NRXN1: variants seen among roughly 807,000 people sequenced by gnomAD.
NRXN1 encodes the protein neurexin-1.
Under a neutral mutation model 150.9 loss-of-function variants are expected in NRXN1, and 39 were observed. The ratio of observed to expected loss-of-function variants is 0.26; its 90% CI spans 0.20 to 0.34. The LOEUF (loss-of-function observed/expected upper bound fraction) is 0.34. Ranked by LOEUF, NRXN1 falls within the 10% of genes least tolerant of loss-of-function variation. The probability of loss-of-function intolerance (pLI) is 1.00; values close to 1 mark genes in which losing one functional copy is unlikely to be tolerated. For synonymous variants in NRXN1, 924 were observed against 757.0 expected, an observed-to-expected ratio of 1.22 and a Z score of -3.62; for missense variants, 1,815 against 1,949.9, an observed-to-expected ratio of 0.93 and a Z score of 1.30.
At chr2:50,560,913 A>T (rs927248428) in intron 8 of NRXN1, among the ~76,000 whole-genome samples, 1 of 152,196 alleles carries the variant, frequency 6.6e-6, no homozygotes, top group Non-Finnish European at 1.5e-5. Flanking sequence ...ATAAAATGGA[A>T]ATCAAACTAC....
At position 50,552,578 on chromosome 2, in the gene NRXN1, TAAG is replaced by T. The variant is rs772903612; in HGVS notation, c.1759+6_1759+8del. On this transcript the variant is annotated splice_donor_region_variant and intron_variant, in intron 9 of 22. Coordinates refer to ENST00000401669, the MANE Select transcript of NRXN1 (RefSeq NM_001330078.2). Reference sequence around the variant, plus strand: ...GCAGATAAACAGCATAGAAAAATGATAAGATTACCTGACCGTCCGTCTCTCTGG... The same window carrying T: ...GCAGATAAACAGCATAGAAAAATGATATTACCTGACCGTCCGTCTCTCTGG... 2.5e-6 allele frequency: 4 copies of T among 1,601,784 alleles called. No homozygotes were observed. Among genetic ancestry groups the T allele is most frequent in the Non-Finnish European group, 3.4e-6 (4 of 1,170,264 alleles).
At chr2:50,533,948 T>C (rs2093186058) in intron 10 of NRXN1, among the ~76,000 whole-genome samples, 2 of 152,164 alleles carry the variant, frequency 1.3e-5, no homozygotes, top group Admixed American at 6.6e-5. Context: ...ATTTCTTGTT[T>C]GTAGAGTATT....
At chr2:50,987,461 T>A (rs1007124087) in intron 2 of NRXN1, among the ~76,000 whole-genome samples, 1 of 151,862 alleles carries the variant, frequency 6.6e-6, no homozygotes, top group Non-Finnish European at 1.5e-5. Flanking sequence ...TGTGGTGACA[T>A]ATTTTGAACA....
chr2:50,314,333 TA>T (rs896454693), intron 17 of NRXN1, among the ~76,000 whole-genome samples: 1 of 151,958 alleles, frequency 6.6e-6, no homozygotes, highest in African/African-American at 2.4e-5. Context: ...CCTGCCACTT[TA>T]AAAAACAAAA....
At chr2:50,600,594 G>A (rs371988778) in intron 8 of NRXN1, among the ~76,000 whole-genome samples, 19 of 152,170 alleles carry the variant, frequency 1.2e-4, no homozygotes, top group Non-Finnish European at 2.6e-4. Flanking sequence ...CAAAGTGCTG[G>A]GATTACAGGC....
chr2:50,593,267 A>G (rs1246270432), intron 8 of NRXN1, among the ~76,000 whole-genome samples: 3 of 152,200 alleles, frequency 2.0e-5, no homozygotes, highest in Non-Finnish European at 4.4e-5. Context: ...TATTTTCTTC[A>G]TTCCAGTCAG....
chr2:50,940,862 A>C (rs1689327803), intron 2 of NRXN1, among the ~76,000 whole-genome samples: 1 of 152,166 alleles, frequency 6.6e-6, no homozygotes, highest in Non-Finnish European at 1.5e-5. Flanking sequence ...TGTATATCAG[A>C]ATTTGCAAAT....
At chr2:50,092,164 C>G (rs896801283) in intron 18 of NRXN1, among the ~76,000 whole-genome samples, 4 of 152,170 alleles carry the variant, frequency 2.6e-5, no homozygotes, top group African/African-American at 9.7e-5. Flanking sequence ...TAGATTATAT[C>G]TAAGCTAAGT....
chr2:50,004,068 G>A (rs972789742), intron 21 of NRXN1, among the ~76,000 whole-genome samples: 1 of 152,064 alleles, frequency 6.6e-6, no homozygotes, highest in Admixed American at 6.6e-5. Flanking sequence ...AGGGAGGTGA[G>A]GTATTACTTG....
At chr2:50,068,607 T>C (rs1410565559) in intron 19 of NRXN1, among the ~76,000 whole-genome samples, 3 of 152,186 alleles carry the variant, frequency 2.0e-5, no homozygotes. Context: ...CAGATATTTG[T>C]AAGAATAGTA....
At chr2:50,933,240 G>A (rs887637272) in intron 2 of NRXN1, among the ~76,000 whole-genome samples, 44 of 152,016 alleles carry the variant, frequency 2.9e-4, no homozygotes, top group Admixed American at 2.6e-3. Flanking sequence ...CACATAAATT[G>A]TGCCTTCCTT....
intron 5 of NRXN1, chr2:50,632,912 T>C (rs1229991995): frequency 1.3e-5 from 2 of 152,068 alleles, no homozygotes; most frequent in Non-Finnish European, 2.9e-5. Context: ...CTTTAAATCA[T>C]TGGAAGCAAT....
chr2:50,496,400 T>C (rs2091622405), intron 14 of NRXN1, among the ~76,000 whole-genome samples: 1 of 152,134 alleles, frequency 6.6e-6, no homozygotes, highest in Admixed American at 6.6e-5. Flanking sequence ...TTTCCACAAT[T>C]CCCTCCATCC....
At chr2:50,739,631 T>C (rs1304204342) in intron 5 of NRXN1, among the ~76,000 whole-genome samples, 2 of 152,190 alleles carry the variant, frequency 1.3e-5, no homozygotes, top group African/African-American at 4.8e-5. Flanking sequence ...CTTAACTCTA[T>C]TCCATAATGG....
Position 50,270,643 on chromosome 2 carries a change from A to G in NRXN1, c.3365-33673T>C, listed in dbSNP as rs928041506. ...AAAGTATAACGTACAAGCAAATTAT[A>G]TATTTATATGTAAAATGCATATAGA... On this transcript the variant is annotated intron_variant, in intron 17 of 22. Coordinates refer to ENST00000401669, the MANE Select transcript of NRXN1 (RefSeq NM_001330078.2). 3.3e-5 allele frequency among the ~76,000 whole-genome samples: 5 copies of G among 151,612 alleles called. No individual in the cohort carries two copies. The South Asian group carries it at 8.4e-4, about 25-fold the overall frequency.
At chr2:50,435,808 G>T (rs1410477200) in intron 17 of NRXN1, among the ~76,000 whole-genome samples, 1 of 152,098 alleles carries the variant, frequency 6.6e-6, no homozygotes, top group Admixed American at 6.5e-5. Flanking sequence ...TCTTGAGGGT[G>T]GAGGGAAGGA....
In NRXN1 at chr2:50,421,418, A is replaced by T. The variant is rs2083989167; in HGVS notation, c.3364+44024T>A. On this transcript the variant is annotated intron_variant, in intron 17 of 22. Coordinates refer to ENST00000401669, the MANE Select transcript of NRXN1 (RefSeq NM_001330078.2). Reference sequence around the variant, plus strand: ...AAGTAAGGCCTTTCTTTTGACTATTAAGCAAAGAATACATCTTAGGAACAC... The same window carrying T: ...AAGTAAGGCCTTTCTTTTGACTATTTAGCAAAGAATACATCTTAGGAACAC... Among the ~76,000 whole-genome samples the T allele has an allele frequency of 2.6e-5, 4 of 152,108 alleles. No homozygotes were observed. The South Asian group carries it at 8.3e-4, about 32-fold the overall frequency.
At chr2:50,794,152 C>T (rs1706453345) in intron 5 of NRXN1, among the ~76,000 whole-genome samples, 1 of 152,052 alleles carries the variant, frequency 6.6e-6, no homozygotes, top group Non-Finnish European at 1.5e-5. Flanking sequence ...CAGCATCAAA[C>T]CCTTTTTCAT....
chr2:50,095,121 C>T (rs1530918), intron 18 of NRXN1, among the ~76,000 whole-genome samples: 123,896 of 152,140 alleles, frequency 0.81, 50,972 homozygotes, highest in African/African-American at 0.94. Context: ...GGGGGCTCCA[C>T]TGTGGCTGAA....
Sources: allele counts gnomAD v4.1 joint callset (sites outside exome capture counted in the v4.1 genomes callset), GRCh38; gene constraint gnomAD v4.1.1; transcripts MANE v1.5; gene names NCBI Gene and HGNC (gene_info 2026-07-23, HGNC 2026-07-21).